The following DPP6 variants were observed in gnomAD, a reference collection of about 807,000 sequenced individuals.
DPP6 encodes the protein dipeptidyl peptidase like 6.
A neutral mutation model predicts 122.6 loss-of-function variants in DPP6; 69 were observed. That is an observed-to-expected ratio of 0.56 (90% CI 0.46 to 0.69). The LOEUF (loss-of-function observed/expected upper bound fraction) is 0.69. Ranked by LOEUF, DPP6 falls within the 30% of genes least tolerant of loss-of-function variation. The pLI, the probability that DPP6 is intolerant of heterozygous loss-of-function variation, is 0.00. For synonymous variants in DPP6, 418 were observed against 433.1 expected, an observed-to-expected ratio of 0.97 and a Z score of 0.43; for missense variants, 928 against 1,116.9, an observed-to-expected ratio of 0.83 and a Z score of 2.41.
intron 1 of DPP6, among the ~76,000 whole-genome samples, chr7:153,933,896 A>C (rs1801299768): frequency 6.6e-6 from 1 of 152,130 alleles, no homozygotes; most frequent in Non-Finnish European, 1.5e-5. Flanking sequence ...GCAGGCCCCC[A>C]ATGTGTTTTT....
In DPP6 at chr7:154,379,406, T is replaced by A. The variant is rs143526551; in HGVS notation, c.244-66808T>A. Among the ~76,000 whole-genome samples, 491 of 152,220 alleles carry A rather than the reference T, an allele frequency of 3.2e-3. 11 individuals are homozygous for A. The highest frequency in any genetic ancestry group is 0.025 in the Admixed American group (383 of 15,278). On this transcript the variant is annotated intron_variant, in intron 1 of 25. Coordinates refer to ENST00000377770, the MANE Select transcript of DPP6 (RefSeq NM_130797.4). Reference sequence around the variant, plus strand: ...ATAGCATTAGGAGAAATACCTAATTTAAATGATGAGTTGATGGGTGCAGCA... The same window carrying A: ...ATAGCATTAGGAGAAATACCTAATTAAAATGATGAGTTGATGGGTGCAGCA...
intron 1 of DPP6, among the ~76,000 whole-genome samples, chr7:154,166,495 C>T (rs947070345): frequency 4.6e-5 from 7 of 152,002 alleles, no homozygotes; most frequent in African/African-American, 1.2e-4. Flanking sequence ...TAAACTGAGG[C>T]GTGGACTACA....
chr7:154,152,461 G>C (rs1437524781), intron 1 of DPP6, among the ~76,000 whole-genome samples: 2 of 152,184 alleles, frequency 1.3e-5, no homozygotes, highest in Non-Finnish European at 2.9e-5. Context: ...CATAACCTTG[G>C]TATTCTTGTG....
chr7:153,836,271 C>G, the DPP6 span, among the ~76,000 whole-genome samples: 1 of 152,006 alleles, frequency 6.6e-6, no homozygotes, highest in Non-Finnish European at 1.5e-5. Context: ...CAATTTATCG[C>G]GTTTGGCCAA....
At chr7:154,331,270 C>G (rs151000258) in intron 1 of DPP6, among the ~76,000 whole-genome samples, 1 of 152,152 alleles carries the variant, frequency 6.6e-6, no homozygotes, top group East Asian at 1.9e-4. Flanking sequence ...GTTCTCAGTA[C>G]GCAGGGACTG....
chr7:154,424,962 A>G (rs908711420), intron 1 of DPP6, among the ~76,000 whole-genome samples: 5 of 152,206 alleles, frequency 3.3e-5, no homozygotes, highest in Admixed American at 1.3e-4. Flanking sequence ...TGGTTATTGC[A>G]TTCTCGTTGA....
At chr7:154,406,941 C>T (rs150907568) in intron 1 of DPP6, among the ~76,000 whole-genome samples, 1,108 of 152,312 alleles carry the variant, frequency 7.3e-3, no homozygotes, top group Non-Finnish European at 0.011. Context: ...CAATGCACTC[C>T]TAATCAGTGT....
chr7:154,531,376 A>G lies in DPP6; in HGVS notation c.458-9156A>G, dbSNP rs141746937. The stretch of plus-strand genomic sequence containing the variant: ...GAAGAGAGTGGAACAGAGTTTCAAA[A>G]TGCTGAAAGGCAAAAAACAAAACAA... On this transcript the variant is annotated intron_variant, in intron 3 of 25. Transcript: ENST00000377770. Among the ~76,000 whole-genome samples the G allele has an allele frequency of 2.3e-3, 347 of 152,350 alleles. 1 individual carries two copies. Among genetic ancestry groups the G allele is most frequent in the African/African-American group, 8.1e-3 (338 of 41,592 alleles).
At chr7:154,176,667 C>G (rs190789439) in intron 1 of DPP6, among the ~76,000 whole-genome samples, 2 of 152,250 alleles carry the variant, frequency 1.3e-5, no homozygotes, top group Admixed American at 1.3e-4. Flanking sequence ...GTCCTGGACT[C>G]TCCAATGCGC....
At chr7:154,544,092 TTA>T (rs1052686711) in intron 4 of DPP6, among the ~76,000 whole-genome samples, 4 of 147,348 alleles carry the variant, frequency 2.7e-5, no homozygotes, top group African/African-American at 4.9e-5. Flanking sequence ...TTCTTTTGTT[TTA>T]TATATATATA....
At chr7:154,032,639 C>A (rs1799303069) in intron 1 of DPP6, among the ~76,000 whole-genome samples, 1 of 152,070 alleles carries the variant, frequency 6.6e-6, no homozygotes, top group Admixed American at 6.5e-5. Flanking sequence ...CAAAATAATG[C>A]ATTTTCTTTG....
intron 1 of DPP6, among the ~76,000 whole-genome samples, chr7:154,078,946 CAAAAAAAA>C (rs67950621): frequency 0.047 from 5,252 of 112,710 alleles, 320 homozygotes; most frequent in African/African-American, 0.16. Flanking sequence ...CATTCTTTTC[CAAAAAAAA>C]AAAAAAAAAA....
chr7:154,639,073 A>G (rs896684530), intron 6 of DPP6, among the ~76,000 whole-genome samples: 2 of 152,200 alleles, frequency 1.3e-5, no homozygotes, highest in African/African-American at 2.4e-5. Flanking sequence ...TCCATAGGTG[A>G]GCATTAATCA....
At chr7:154,271,224 A>G (rs1803766804) in intron 1 of DPP6, among the ~76,000 whole-genome samples, 1 of 152,164 alleles carries the variant, frequency 6.6e-6, no homozygotes, top group Non-Finnish European at 1.5e-5. Flanking sequence ...GAGTTTAAAG[A>G]TTCAGTGATA....
intron 7 of DPP6, among the ~76,000 whole-genome samples, chr7:154,701,808 C>T (rs1356101426): frequency 1.3e-5 from 2 of 152,238 alleles, no homozygotes; most frequent in East Asian, 1.9e-4. Flanking sequence ...CCTCCAGAAA[C>T]AAGCATGCTG....
At chr7:154,836,203 G>A (rs6942462) in intron 16 of DPP6, among the ~76,000 whole-genome samples, 97,287 of 152,180 alleles carry the variant, frequency 0.64, 33,513 homozygotes, top group East Asian at 0.83. Flanking sequence ...AGCATCTCTG[G>A]TTCTGGAGGC....
At chr7:154,227,648 GC>G (rs1398010167) in intron 1 of DPP6, among the ~76,000 whole-genome samples, 3 of 151,708 alleles carry the variant, frequency 2.0e-5, no homozygotes, top group Non-Finnish European at 4.4e-5. Context: ...CTCTCACCCT[GC>G]CCCTCACTCT....
At chr7:154,126,616 C>G (rs992237283) in intron 1 of DPP6, among the ~76,000 whole-genome samples, 1 of 151,314 alleles carries the variant, frequency 6.6e-6, no homozygotes, top group East Asian at 2.0e-4. Context: ...CATCACGATT[C>G]GAAACCTGAA....
At chr7:153,827,007 C>CAAA in the DPP6 span, among the ~76,000 whole-genome samples, 2 of 150,636 alleles carry the variant, frequency 1.3e-5, no homozygotes, top group East Asian at 1.9e-4. Flanking sequence ...TTAAAATTAA[C>CAAA]CTTTATGACA....
Sources: allele counts gnomAD v4.1 joint callset (sites outside exome capture counted in the v4.1 genomes callset), GRCh38; gene constraint gnomAD v4.1.1; transcripts MANE v1.5; gene names NCBI Gene and HGNC (gene_info 2026-07-23, HGNC 2026-07-21).